CLASP2: variants seen among roughly 807,000 people sequenced by gnomAD.
CLASP2 encodes the protein CLIP-associating protein 2.
A neutral mutation model predicts 194.4 loss-of-function variants in CLASP2; 47 were observed. The ratio of observed to expected loss-of-function variants is 0.24; its 90% confidence interval spans 0.19 to 0.31. CLASP2 has a LOEUF of 0.31. CLASP2 is among the 10% of genes least tolerant of loss of function. The pLI, the probability that CLASP2 is intolerant of heterozygous loss-of-function variation, is 1.00. For synonymous variants in CLASP2, 619 were observed against 633.5 expected (o/e 0.98, Z 0.34); for missense variants, 1,445 against 1,823.6 (o/e 0.79, Z 3.78).
intron 6 of CLASP2, among the ~76,000 whole-genome samples, chr3:33,673,451 A>G (rs901645544): frequency 2.0e-5 from 3 of 152,210 alleles, no homozygotes; most frequent in African/African-American, 4.8e-5. Flanking sequence ...AGCACTAAAC[A>G]TGGAAAGGAA....
At chr3:33,714,872 G>T (rs544720031) in intron 1 of CLASP2, among the ~76,000 whole-genome samples, 14 of 152,128 alleles carry the variant, frequency 9.2e-5, no homozygotes, top group African/African-American at 3.4e-4. Context: ...ACCACGCCCA[G>T]TTACCTCCAC....
chr3:33,678,050 C>A (rs1327047894), intron 6 of CLASP2, among the ~76,000 whole-genome samples: 2 of 150,260 alleles, frequency 1.3e-5, no homozygotes, highest in Non-Finnish European at 3.0e-5. Flanking sequence ...CAATAGAATT[C>A]TCCAAAACTG....
chr3:33,530,011 AG>A (rs2055849182), intron 34 of CLASP2, among the ~76,000 whole-genome samples: 2 of 150,248 alleles, frequency 1.3e-5, no homozygotes, highest in African/African-American at 2.4e-5. Context: ...AAAAAAAAAA[AG>A]ATCTTCAAGG....
chr3:33,663,315 GTTA>G (rs2085610045), intron 7 of CLASP2, 127 bp downstream of exon 7: 1 of 450,280 alleles, frequency 2.2e-6, no homozygotes, highest in Non-Finnish European at 3.8e-6. Flanking sequence ...TAAATATTTT[GTTA>G]TTATATCTCA....
chr3:33,510,361 G>A (rs1336759969), intron 37 of CLASP2, among the ~76,000 whole-genome samples, 197 bp downstream of exon 37: 1 of 152,096 alleles, frequency 6.6e-6, no homozygotes, highest in African/African-American at 2.4e-5. Context: ...ATTAAAAATC[G>A]TTAATTTTAT....
In CLASP2 at chr3:33,606,645, A is replaced by G; in HGVS notation, c.1640T>C (p.Val547Ala). ...CCTGTCTGATTGTGGAAGAGATGCTACACTGCCAGAACTCTTTAAGTAAGT... is the reference window on the plus strand; with the variant it reads ...CCTGTCTGATTGTGGAAGAGATGCTGCACTGCCAGAACTCTTTAAGTAAGT... ...LQTYLKSSGS[V>A]ASLPQSDRSS... The change falls in exon 16 of 39, where the codon GTA becomes GCA. Residue 547 changes from valine (V) to alanine (A), a missense_variant. Val to Ala is a moderately conservative substitution (Grantham distance 64). Around this residue, in one of 4 missense-constraint regions of CLASP2, gnomAD observed 174 missense variants for 179.0 expected, o/e 0.97. Coordinates refer to ENST00000682230, the MANE Select transcript of CLASP2 (RefSeq NM_001365631.1). 1 of 1,613,746 alleles carries G rather than the reference A, an allele frequency of 6.2e-7. No homozygotes were observed. Among genetic ancestry groups the G allele is most frequent in the Non-Finnish European group, 8.5e-7 (1 of 1,179,714 alleles).
chr3:33,536,276 G>A (rs1392869314), intron 33 of CLASP2, among the ~76,000 whole-genome samples: 4 of 150,440 alleles, frequency 2.7e-5, no homozygotes. Flanking sequence ...AAAACTTAAT[G>A]AACGAATAAA....
intron 34 of CLASP2, among the ~76,000 whole-genome samples, chr3:33,527,410 G>A (rs1225773913): frequency 6.6e-6 from 1 of 152,112 alleles, no homozygotes; most frequent in Non-Finnish European, 1.5e-5. Context: ...CAAAACTGAT[G>A]CAGGAAGAAA....
At chr3:33,702,819 A>C (rs1413598666) in intron 1 of CLASP2, among the ~76,000 whole-genome samples, 1 of 152,190 alleles carries the variant, frequency 6.6e-6, no homozygotes, top group Non-Finnish European at 1.5e-5. Context: ...CACTCACATG[A>C]ATACAATCAA....
intron 30 of CLASP2, among the ~76,000 whole-genome samples, chr3:33,549,244 A>ATTAC (rs1323441648): frequency 6.6e-6 from 1 of 152,096 alleles, no homozygotes; most frequent in African/African-American, 2.4e-5. Flanking sequence ...TTTAATCTTG[A>ATTAC]TTACATCCTT....
intron 33 of CLASP2, among the ~76,000 whole-genome samples, chr3:33,536,253 A>C (rs1259699598): frequency 8.3e-6 from 1 of 120,340 alleles, no homozygotes; most frequent in Non-Finnish European, 1.8e-5. Flanking sequence ...GGAGGGACAG[A>C]CCAAAAAAAA....
rs2045865264 is a variant in CLASP2 at position 33,496,942 on chromosome 3, A to C, written c.*1689T>G. ...TACAAGACCGTCTAAAGTTAAAATA[A>C]AACTGAGTGACTTGTTACACAGTGA... On this transcript the variant is annotated 3_prime_UTR_variant, in exon 39 of 39. Coordinates refer to ENST00000682230, the MANE Select transcript of CLASP2 (RefSeq NM_001365631.1). The C allele has an allele frequency of 6.6e-6, 1 of 152,652 alleles. No homozygotes were observed. Among genetic ancestry groups the C allele is most frequent in the Non-Finnish European group, 1.5e-5 (1 of 68,028 alleles). The allele number at this position is 152,652 out of a possible 1,614,324, so 9.5% of individuals were successfully genotyped here. A position where few individuals can be genotyped will look rare whatever the true frequency, so the allele number is the denominator to read the frequency against.
At chr3:33,678,084 G>A (rs1431121197) in intron 6 of CLASP2, among the ~76,000 whole-genome samples, 1 of 151,770 alleles carries the variant, frequency 6.6e-6, no homozygotes, top group Admixed American at 6.6e-5. Flanking sequence ...AAAAGAGATT[G>A]GAAAACAAAA....
rs2072708317 is a variant in CLASP2 at position 33,602,977 on chromosome 3, C to T, written c.1899G>A (p.Leu633=). 6.2e-7 allele frequency: 1 copy of T among 1,610,720 alleles called. No homozygotes were observed. The highest frequency in any genetic ancestry group is 8.5e-7 in the Non-Finnish European group (1 of 1,178,384). ...VRSGRLGAGA[L]NAGSYASLED... ...CTAGTGACGCATAGGAACCTGCATTCAGGGCACCTGCACCTAAGCGCCCGC... is the reference window on the plus strand; with the variant it reads ...CTAGTGACGCATAGGAACCTGCATTTAGGGCACCTGCACCTAAGCGCCCGC... The change falls in exon 18 of 39, where the codon CTG becomes CTA. Residue 633 remains leucine, a synonymous_variant. Coordinates refer to ENST00000682230, the MANE Select transcript of CLASP2 (RefSeq NM_001365631.1).
At chr3:33,516,775 G>T (rs777345147) in intron 35 of CLASP2, among the ~76,000 whole-genome samples, 1 of 152,080 alleles carries the variant, frequency 6.6e-6, no homozygotes, top group Admixed American at 6.6e-5. Flanking sequence ...TTCAGCCTGC[G>T]ACCTTTCATT....
chr3:33,524,804 G>A (rs2054060556), intron 34 of CLASP2, among the ~76,000 whole-genome samples: 1 of 152,162 alleles, frequency 6.6e-6, no homozygotes, highest in South Asian at 2.1e-4. Context: ...TGCAGCTAAT[G>A]ACAGACCATC....
intron 8 of CLASP2, among the ~76,000 whole-genome samples, chr3:33,638,602 G>A (rs893599737): frequency 2.6e-5 from 4 of 152,048 alleles, no homozygotes; most frequent in Non-Finnish European, 1.5e-5. Context: ...CACCACACCC[G>A]GCCTCAATTC....
chr3:33,570,496 G>C (rs1002327592), intron 26 of CLASP2, among the ~76,000 whole-genome samples: 2 of 152,116 alleles, frequency 1.3e-5, no homozygotes, highest in Non-Finnish European at 2.9e-5. Flanking sequence ...TACTTGAGTT[G>C]TAACTGTATC....
At chr3:33,597,756 CTTT>C (rs558732745) in intron 18 of CLASP2, among the ~76,000 whole-genome samples, 3 of 137,752 alleles carry the variant, frequency 2.2e-5, no homozygotes, top group East Asian at 2.1e-4. Context: ...TCTTTTCTTT[CTTT>C]TTTTTTTTTT....
Sources: allele counts gnomAD v4.1 joint callset (sites outside exome capture counted in the v4.1 genomes callset), GRCh38; gene constraint gnomAD v4.1.1; regional missense constraint gnomAD v4.1.1; transcripts MANE v1.5; gene names NCBI Gene and HGNC (gene_info 2026-07-23, HGNC 2026-07-21).